The following CCPG1 variants were observed in gnomAD, a reference collection of about 807,000 sequenced individuals.
CCPG1 encodes cell cycle progression 1.
In CCPG1, 46 loss-of-function variants were observed where a neutral mutation model predicts 81.3. That is an observed-to-expected ratio of 0.57 (90% CI 0.45 to 0.72). CCPG1 has a LOEUF of 0.72. Among genes scored for constraint, CCPG1 ranks in the 30% least tolerant of loss-of-function variants. The probability of loss-of-function intolerance (pLI) is 0.00; values close to 1 mark genes in which losing one functional copy is unlikely to be tolerated. For missense variants in CCPG1, 902 were observed against 937.6 expected (o/e 0.96, Z 0.50); for synonymous variants, 330 against 305.2 (o/e 1.08, Z -0.85).
At chr15:55,369,700 G>T (rs1280182559) in intron 6 of CCPG1, among the ~76,000 whole-genome samples, 1 of 152,128 alleles carries the variant, frequency 6.6e-6, no homozygotes, top group Non-Finnish European at 1.5e-5. Context: ...AAAGGACAAT[G>T]TTTTATTAAT....
intron 1 of CCPG1, among the ~76,000 whole-genome samples, chr15:55,403,245 T>A (rs1051270219): frequency 3.3e-5 from 5 of 152,116 alleles, no homozygotes; most frequent in African/African-American, 1.2e-4. Flanking sequence ...AAATTCCAAA[T>A]GAAAACGAAC....
chr15:55,388,115 T>C (rs2056840608), intron 2 of CCPG1, among the ~76,000 whole-genome samples: 1 of 151,622 alleles, frequency 6.6e-6, no homozygotes, highest in Non-Finnish European at 1.5e-5. Context: ...TGCGTCACTG[T>C]ACAAGACAAC....
In CCPG1 at chr15:55,398,675, G is replaced by A. The variant is rs578194661; in HGVS notation, c.-9-9242C>T. The stretch of plus-strand genomic sequence containing the variant: ...CGGCTCACTGCAACCTCTGCTTTCC[G>A]GGTTCAAGAGATTCTCCTGCCTCAG... On this transcript the variant is annotated intron_variant, in intron 1 of 8. Coordinates refer to ENST00000442196, the MANE Select transcript of CCPG1 (RefSeq NM_001204450.2). Among the ~76,000 whole-genome samples, 496 of 151,834 alleles carry A rather than the reference G, an allele frequency of 3.3e-3. 2 individuals carry two copies. The highest frequency in any genetic ancestry group is 4.7e-3 in the Non-Finnish European group (317 of 67,948).
Position 55,356,187 on chromosome 15 carries a change from T to C in CCPG1, c.*33A>G, listed in dbSNP as rs1245156679. The C allele has an allele frequency of 6.8e-7, 1 of 1,467,134 alleles. No individual in the cohort carries two copies. Among genetic ancestry groups the C allele is most frequent in the South Asian group, 1.3e-5 (1 of 76,832 alleles). 90.9% of individuals were successfully genotyped at this position (1,467,134 alleles called of 1,614,324 possible). A position where few individuals can be genotyped will look rare whatever the true frequency, so the allele number is the denominator to read the frequency against. On this transcript the variant is annotated 3_prime_UTR_variant, in exon 9 of 9. Coordinates refer to ENST00000442196, the MANE Select transcript of CCPG1 (RefSeq NM_001204450.2). Reference sequence around the variant, plus strand: ...ACATTATACAAAGCATAAATTTTTCTCTTACAGTTGTCTAATTTAACTCAA... The same window carrying C: ...ACATTATACAAAGCATAAATTTTTCCCTTACAGTTGTCTAATTTAACTCAA...
At chr15:55,403,050 C>T (rs150881341) in intron 1 of CCPG1, among the ~76,000 whole-genome samples, 2 of 152,220 alleles carry the variant, frequency 1.3e-5, no homozygotes, top group African/African-American at 4.8e-5. Context: ...TCAAACTTCC[C>T]AGTCAAAAAG....
intron 2 of CCPG1, among the ~76,000 whole-genome samples, chr15:55,388,952 C>G (rs1474644895): frequency 1.3e-5 from 2 of 150,368 alleles, no homozygotes; most frequent in African/African-American, 4.9e-5. Flanking sequence ...CCTGTAATTC[C>G]AGCTACTCAG....
At position 55,356,801 on chromosome 15, in the gene CCPG1, A is replaced by C. The variant is rs900515033; in HGVS notation, c.2235-392T>G. ...ACAAACAAAGCAAAACAAAAGTCTC[A>C]ACTTTTTCTTACAGCAAAAGCTCAC... On this transcript the variant is annotated intron_variant, in intron 8 of 8. Transcript: ENST00000442196. The C allele has an allele frequency of 2.7e-5, 27 of 992,844 alleles. 1 individual carries two copies. The Admixed American group carries it at 6.6e-4, about 24-fold the overall frequency. 61.5% of individuals were successfully genotyped at this position (992,844 alleles called of 1,614,324 possible).
intron 7 of CCPG1, among the ~76,000 whole-genome samples, chr15:55,361,513 C>CT (rs1309452681): frequency 6.6e-6 from 1 of 151,546 alleles, no homozygotes; most frequent in Non-Finnish European, 1.5e-5. Context: ...CAAGACCATC[C>CT]TGGCCTACGT....
At chr15:55,365,148 AT>A in intron 7 of CCPG1, 39 bp downstream of exon 7, 1 of 1,217,300 alleles carries the variant, frequency 8.2e-7, no homozygotes, top group South Asian at 1.4e-5. Context: ...AAGCAAAATA[AT>A]TACTAACAAT....
chr15:55,407,096 C>T (rs1466540748), intron 1 of CCPG1, among the ~76,000 whole-genome samples: 1 of 147,646 alleles, frequency 6.8e-6, no homozygotes, highest in Non-Finnish European at 1.5e-5. Context: ...GGCGTGGTGG[C>T]GGGCGCCTGT....
At chr15:55,359,234 T>C (rs988551849) in intron 8 of CCPG1, 2 of 1,038,344 alleles carry the variant, frequency 1.9e-6, no homozygotes, top group African/African-American at 3.3e-5. Flanking sequence ...TCTTTTCATA[T>C]AAACTATAAT....
At chr15:55,358,862 TA>T (rs2056134686) in intron 8 of CCPG1, 1 of 969,788 alleles carries the variant, frequency 1.0e-6, no homozygotes. Context: ...ACATTATATT[TA>T]TTCAGAAAGA....
intron 2 of CCPG1, among the ~76,000 whole-genome samples, chr15:55,388,911 T>C (rs2056857221): frequency 6.6e-6 from 1 of 150,890 alleles, no homozygotes; most frequent in Admixed American, 6.6e-5. Context: ...CTACTGAAAA[T>C]ACAAAAATTA....
intron 6 of CCPG1, among the ~76,000 whole-genome samples, chr15:55,370,562 G>A (rs761495565): frequency 1.6e-4 from 24 of 152,086 alleles, no homozygotes; most frequent in Non-Finnish European, 3.1e-4. Flanking sequence ...AGGCTGAGTG[G>A]GGTGGATCAC....
At chr15:55,389,535 C>A in intron 1 of CCPG1, 102 bp from the exon 2 acceptor site, 1 of 770,300 alleles carries the variant, frequency 1.3e-6, no homozygotes, top group South Asian at 1.5e-5. Context: ...TACTGTCTTC[C>A]AGGTGAAACA....
intron 3 of CCPG1, 116 bp from the exon 4 acceptor site, chr15:55,378,492 G>C (rs2056611886): frequency 1.8e-6 from 1 of 553,366 alleles, no homozygotes; most frequent in South Asian, 2.6e-5. Flanking sequence ...TGTTAGGATA[G>C]ATTTAATGAA....
chr15:55,363,377 A>C (rs1338967476), intron 7 of CCPG1, among the ~76,000 whole-genome samples: 2 of 150,680 alleles, frequency 1.3e-5, no homozygotes, highest in African/African-American at 4.8e-5. Flanking sequence ...ACAAAAAAAA[A>C]ACCCAAACCC....
At position 55,385,575 on chromosome 15, in the gene CCPG1, A is replaced by G. The variant is rs761445365; in HGVS notation, c.175+25T>C. 5 of 1,289,404 alleles carry G rather than the reference A, an allele frequency of 3.9e-6. No homozygotes were observed. The South Asian group carries it at 6.7e-5, about 17-fold the overall frequency. 79.9% of individuals were successfully genotyped at this position (1,289,404 alleles called of 1,614,324 possible). On this transcript the variant is annotated intron_variant, in intron 3 of 8. Coordinates refer to ENST00000442196, the MANE Select transcript of CCPG1 (RefSeq NM_001204450.2). ...TCACTCATATATCATATTAAAAAAA[A>G]AATTAGAATTTGTGAACAACTTACC...
intron 3 of CCPG1, among the ~76,000 whole-genome samples, chr15:55,381,307 A>G (rs113178792): frequency 0.18 from 26,996 of 151,446 alleles, 4,166 homozygotes; most frequent in African/African-American, 0.42. Flanking sequence ...AGCTGGGCAT[A>G]GTGGCAGGCA....
Sources: gnomAD v4.1 joint callset for allele counts (sites outside exome capture counted in the v4.1 genomes callset) on GRCh38, gnomAD v4.1.1 for gene constraint, MANE v1.5 for transcripts, NCBI Gene and HGNC (gene_info 2026-07-23, HGNC 2026-07-21) for gene names.